BMP8A: variants seen among roughly 807,000 people sequenced by gnomAD.
BMP8A encodes the protein BMP-8A.
Under a neutral mutation model 36.8 loss-of-function variants are expected in BMP8A, and 14 were observed. The observed-to-expected ratio is 0.38, with a 90% CI of 0.25 to 0.60. The LOEUF is 0.60. Ranked by LOEUF, BMP8A falls within the 20% of genes least tolerant of loss-of-function variation. The pLI is 0.63. For synonymous variants in BMP8A, 120 were observed against 237.7 expected, an observed-to-expected ratio of 0.50 and a Z score of 4.55; for missense variants, 267 against 551.1, an observed-to-expected ratio of 0.48 and a Z score of 5.16.
intron 1 of BMP8A, among the ~76,000 whole-genome samples, chr1:39,503,082 A>G (rs1255519421): frequency 6.6e-6 from 1 of 152,194 alleles, no homozygotes; most frequent in Non-Finnish European, 1.5e-5. Context: ...ACTGTAGAAG[A>G]AAGGACAAGT....
At chr1:39,494,344 T>C (rs1570269506) in intron 1 of BMP8A, among the ~76,000 whole-genome samples, 1 of 150,108 alleles carries the variant, frequency 6.7e-6, no homozygotes, top group Non-Finnish European at 1.5e-5. Flanking sequence ...CTTTCTTTTT[T>C]CTTTTTTCTT....
intron 1 of BMP8A, among the ~76,000 whole-genome samples, chr1:39,502,834 A>G (rs968170696): frequency 1.3e-5 from 2 of 152,256 alleles, no homozygotes; most frequent in African/African-American, 4.8e-5. Flanking sequence ...ACCTGAGGTC[A>G]GGAGTTCGAG....
intron 6 of BMP8A, 102 bp downstream of exon 6, chr1:39,523,219 T>A: frequency 7.5e-7 from 1 of 1,339,140 alleles, no homozygotes; most frequent in Non-Finnish European, 1.0e-6. Flanking sequence ...ACCTGCTCCA[T>A]GTCTCGGGGG....
chr1:39,515,080 T>C lies in BMP8A; in HGVS notation c.673+3176T>C, dbSNP rs543019613. The C allele has an allele frequency of 8.4e-5, 134 of 1,588,356 alleles. 1 individual carries two copies. The African/African-American group carries it at 1.4e-3, about 16-fold the overall frequency. On this transcript the variant is annotated intron_variant, in intron 3 of 6. Transcript: ENST00000331593. The stretch of plus-strand genomic sequence containing the variant: ...ACCAGTCCCCGGCCCCGTGCCAAGT[T>C]CTACGCGGACCCGGTGGAGATGGTG...
intron 6 of BMP8A, chr1:39,523,512 C>T: frequency 2.2e-6 from 3 of 1,357,326 alleles, no homozygotes; most frequent in East Asian, 5.8e-5. Flanking sequence ...AGTCTGACCG[C>T]CTGTGATATG....
At chr1:39,492,836 G>T (rs1018966637) in intron 1 of BMP8A, among the ~76,000 whole-genome samples, 1 of 152,206 alleles carries the variant, frequency 6.6e-6, no homozygotes, top group African/African-American at 2.4e-5. Flanking sequence ...TGTCAGGGGA[G>T]CGGCTGGGGA....
chr1:39,525,515 C>A (rs1375100052), intron 6 of BMP8A, 134 bp from the exon 7 acceptor site: 11 of 1,230,094 alleles, frequency 8.9e-6, no homozygotes, highest in Admixed American at 2.6e-5. Context: ...GTTAATAATT[C>A]TTATTATTGT....
Position 39,522,447 on chromosome 1 carries a change from G to A in BMP8A, c.913G>A (p.Glu305Lys), listed in dbSNP as rs768759717. The A allele has an allele frequency of 6.8e-6, 11 of 1,613,412 alleles. No homozygotes were observed. The highest frequency in any genetic ancestry group is 3.3e-5 in the Admixed American group (2 of 59,914). ...SHGRQVCRRH[E>K]LYVSFQDLGW... Reference sequence around the variant, plus strand: ...CGGCCGGCAGGTCTGCCGTCGGCACGAGCTCTACGTCAGCTTCCAGGACCT... The same window carrying A: ...CGGCCGGCAGGTCTGCCGTCGGCACAAGCTCTACGTCAGCTTCCAGGACCT... Residue 305 changes from glutamate (E) to lysine (K), a missense_variant, in exon 5 of 7, where the codon GAG becomes AAG. By Grantham distance (56) the Glu-to-Lys change is moderately conservative. Transcript: ENST00000331593.
At chr1:39,498,018 A>C (rs961922551) in intron 1 of BMP8A, among the ~76,000 whole-genome samples, 2 of 152,170 alleles carry the variant, frequency 1.3e-5, no homozygotes, top group Non-Finnish European at 2.9e-5. Flanking sequence ...CCCCATCCCA[A>C]TATGTCCCAT....
At chr1:39,501,734 G>A (rs925055099) in intron 1 of BMP8A, among the ~76,000 whole-genome samples, 3 of 152,108 alleles carry the variant, frequency 2.0e-5, no homozygotes, top group African/African-American at 7.2e-5. Context: ...AAGTGATGGG[G>A]TTACAGACAT....
chr1:39,502,195 G>A (rs1645259168), intron 1 of BMP8A, among the ~76,000 whole-genome samples: 1 of 137,510 alleles, frequency 7.3e-6, no homozygotes, highest in Non-Finnish European at 1.5e-5. Context: ...CTGAGATCAC[G>A]CCACTGCACT....
At position 39,525,785 on chromosome 1, in the gene BMP8A, G is replaced by A. The variant is rs1454970633; in HGVS notation, c.1196G>A (p.Cys399Tyr). 1 of 1,614,112 alleles carries A rather than the reference G, an allele frequency of 6.2e-7. No individual in the cohort carries two copies. The highest frequency in any genetic ancestry group is 1.7e-5 in the Admixed American group (1 of 60,024). ...CACCGCAACATGGTGGTCAAGGCCT[G>A]CGGCTGCCACTGAGTCAGCCCGCCC... ...RKHRNMVVKA[C>Y]GCH Residue 399 changes from cysteine (C) to tyrosine (Y), a missense_variant, in exon 7 of 7, where the codon TGC becomes TAC. Around this residue, in one of 7 missense-constraint regions of BMP8A, gnomAD observed 132 missense variants for 151.3 expected, o/e 0.87. Transcript: ENST00000331593.
At chr1:39,494,075 T>C (rs538311120) in intron 1 of BMP8A, among the ~76,000 whole-genome samples, 8 of 152,212 alleles carry the variant, frequency 5.3e-5, no homozygotes, top group Non-Finnish European at 8.8e-5. Flanking sequence ...TCAGGGTTGT[T>C]GTGTGATTGG....
intron 6 of BMP8A, 138 bp from the exon 7 acceptor site, chr1:39,525,511 A>G: frequency 1.6e-6 from 2 of 1,216,300 alleles, no homozygotes; most frequent in South Asian, 3.1e-5. Context: ...TCCTGTTAAT[A>G]ATTCTTATTA....
intron 1 of BMP8A, among the ~76,000 whole-genome samples, chr1:39,504,069 A>G (rs1557687602): frequency 6.6e-6 from 1 of 152,254 alleles, no homozygotes; most frequent in Non-Finnish European, 1.5e-5. Flanking sequence ...ATTTCACGCC[A>G]CTAGTAATAA....
chr1:39,507,167 G>T (rs1020942519), intron 1 of BMP8A, among the ~76,000 whole-genome samples: 4 of 152,180 alleles, frequency 2.6e-5, no homozygotes, highest in African/African-American at 9.7e-5. Flanking sequence ...TTCCTGGCAG[G>T]ATGTATCTCA....
intron 1 of BMP8A, among the ~76,000 whole-genome samples, chr1:39,502,068 T>A (rs1645258368): frequency 6.6e-6 from 1 of 151,958 alleles, no homozygotes; most frequent in Admixed American, 6.6e-5. Flanking sequence ...TGAAACCCTG[T>A]CTCTACTGAA....
At chr1:39,505,581 A>C (rs919220048) in intron 1 of BMP8A, among the ~76,000 whole-genome samples, 1 of 152,120 alleles carries the variant, frequency 6.6e-6, no homozygotes, top group African/African-American at 2.4e-5. Flanking sequence ...TTTCCCCCAC[A>C]CACTTCTGTG....
intron 1 of BMP8A, among the ~76,000 whole-genome samples, chr1:39,506,641 G>C: frequency 6.6e-6 from 1 of 152,324 alleles, no homozygotes; most frequent in East Asian, 1.9e-4. Flanking sequence ...TAATCCTAAA[G>C]TATTTCAAAA....
Sources: allele counts gnomAD v4.1 joint callset (sites outside exome capture counted in the v4.1 genomes callset), GRCh38; gene constraint gnomAD v4.1.1; regional missense constraint gnomAD v4.1.1; transcripts MANE v1.5; gene names NCBI Gene and HGNC (gene_info 2026-07-23, HGNC 2026-07-21).